Variants in GRIK5 observed in about 807,000 individuals in gnomAD.
GRIK5 encodes glutamate ionotropic receptor kainate type subunit 5, also known as glutamate receptor ionotropic, kainate 5.
Under a neutral mutation model 97.4 loss-of-function variants are expected in GRIK5, and 43 were observed. The ratio of observed to expected loss-of-function variants is 0.44; its 90% confidence interval spans 0.35 to 0.57. GRIK5 has a LOEUF of 0.57. GRIK5 is among the 20% of genes least tolerant of loss of function. GRIK5 has a pLI of 0.01. For synonymous variants in GRIK5, 580 were observed against 583.5 expected (o/e 0.99, Z 0.09); for missense variants, 1,015 against 1,382.0 (o/e 0.73, Z 4.21).
At chr19:42,039,524 C>G (rs749036440) in intron 12 of GRIK5, among the ~76,000 whole-genome samples, 1 of 152,122 alleles carries the variant, frequency 6.6e-6, no homozygotes, top group Non-Finnish European at 1.5e-5. Context: ...CATGGGCTTT[C>G]TGCTGAGGCC....
chr19:42,021,187 G>T lies in GRIK5; in HGVS notation c.1871+114C>A. 1 of 854,730 alleles carries T rather than the reference G, an allele frequency of 1.2e-6. No homozygotes were observed. Among genetic ancestry groups the T allele is most frequent in the Non-Finnish European group, 1.8e-6 (1 of 559,414 alleles). 52.9% of individuals were successfully genotyped at this position (854,730 alleles called of 1,614,324 possible). A position where few individuals can be genotyped will look rare whatever the true frequency, so the allele number is the denominator to read the frequency against. ...ACCCCATTCCTCGTCACACAGCTCT[G>T]CAAGGGAAAACGGGGAATCAAATCT... is the stretch of plus-strand genomic sequence containing the variant. On this transcript the variant is annotated intron_variant, in intron 15 of 19. Coordinates refer to ENST00000593562, the MANE Select transcript of GRIK5 (RefSeq NM_002088.5). This position sits in a 1 kb window ranked among gnomAD's most constrained non-coding sequence, Gnocchi z 4.2.
At chr19:42,043,784 T>C (rs976703103) in intron 11 of GRIK5, among the ~76,000 whole-genome samples, 2 of 152,140 alleles carry the variant, frequency 1.3e-5, no homozygotes, top group Non-Finnish European at 1.5e-5. Context: ...GCAACTCTCA[T>C]GCCTGAAATC....
chr19:42,065,206 C>G lies in GRIK5; in HGVS notation c.244+17G>C, dbSNP rs765523768. ...GACCTGCCCTGCCTCACCCCACGCC[C>G]CCATGGCCCCGCTCACTGGTGTCCG... On this transcript the variant is annotated intron_variant, in intron 3 of 19. Transcript: ENST00000593562. The surrounding 1 kb of genome is among the most constrained non-coding windows in gnomAD (Gnocchi z 5.8). 7 of 1,600,294 alleles carry G rather than the reference C, an allele frequency of 4.4e-6. No homozygotes were observed. Among genetic ancestry groups the G allele is most frequent in the Non-Finnish European group, 5.1e-6 (6 of 1,171,176 alleles).
chr19:42,057,747 T>C (rs1306330714), intron 6 of GRIK5, among the ~76,000 whole-genome samples: 1 of 152,158 alleles, frequency 6.6e-6, no homozygotes, highest in Non-Finnish European at 1.5e-5. Context: ...AGCCTAGGCA[T>C]AAGGTCAGAA....
intron 11 of GRIK5, among the ~76,000 whole-genome samples, chr19:42,050,538 G>T (rs2076101275): frequency 6.6e-6 from 1 of 151,646 alleles, no homozygotes; most frequent in South Asian, 2.1e-4. Context: ...GGCGCCTGTA[G>T]TCCCAGCTAC....
intron 15 of GRIK5, among the ~76,000 whole-genome samples, chr19:42,015,490 T>C (rs926237886): frequency 7.2e-5 from 11 of 152,194 alleles, no homozygotes; most frequent in African/African-American, 2.7e-4. Context: ...AAATCAATCA[T>C]AGAAAGATCT....
intron 15 of GRIK5, among the ~76,000 whole-genome samples, chr19:42,019,071 C>T (rs1302670674): frequency 2.0e-5 from 3 of 152,100 alleles, no homozygotes; most frequent in Non-Finnish European, 2.9e-5. Flanking sequence ...TGGGTGACAG[C>T]GATGGGAAGG....
chr19:42,054,731 AG>A (rs2076160718), intron 8 of GRIK5, among the ~76,000 whole-genome samples: 1 of 152,126 alleles, frequency 6.6e-6, no homozygotes, highest in Non-Finnish European at 1.5e-5. Flanking sequence ...TGTATCTCTC[AG>A]AGGGTGCCTG....
At chr19:42,036,195 G>A (rs573546249) in intron 12 of GRIK5, among the ~76,000 whole-genome samples, 24 of 152,112 alleles carry the variant, frequency 1.6e-4, no homozygotes, top group African/African-American at 5.5e-4. Context: ...GAGTAGCTGG[G>A]ATTACAGGTG....
chr19:42,006,047 G>A lies in GRIK5; in HGVS notation c.2038-99C>T. On this transcript the variant is annotated intron_variant, in intron 16 of 19. Coordinates refer to ENST00000593562, the MANE Select transcript of GRIK5 (RefSeq NM_002088.5). The surrounding 1 kb of genome is among the most constrained non-coding windows in gnomAD (Gnocchi z 5.3). ...CTCCAGGAAGTCTCCCTCAACCCAG[G>A]AGAATGCAAGGTGATCAAAGGAAGA... The A allele has an allele frequency of 2.9e-6, 2 of 689,396 alleles. No individual in the cohort carries two copies. Among genetic ancestry groups the A allele is most frequent in the Admixed American group, 4.2e-5 (2 of 48,070 alleles). 42.7% of individuals were successfully genotyped at this position (689,396 alleles called of 1,614,324 possible).
intron 11 of GRIK5, chr19:42,043,034 G>A (rs928796950): frequency 3.3e-5 from 17 of 510,936 alleles, no homozygotes; most frequent in East Asian, 1.3e-4. Context: ...GCTCAAATGC[G>A]TATGAGGGAG....
rs1599857114 is a variant in GRIK5 at position 42,065,489 on chromosome 19, C to A, written c.80-102G>T. ...CTCTAGGGTGAGGTGGGTATACGGACCAGGGGTCTAGACACCTGGATCTGA... is the reference window on the plus strand; with the variant it reads ...CTCTAGGGTGAGGTGGGTATACGGAACAGGGGTCTAGACACCTGGATCTGA... On this transcript the variant is annotated intron_variant, in intron 2 of 19. Transcript: ENST00000593562. This position sits in a 1 kb window ranked among gnomAD's most constrained non-coding sequence, Gnocchi z 5.8. 3.2e-6 allele frequency: 4 copies of A among 1,255,422 alleles called. No individual in the cohort carries two copies. The East Asian group carries it at 9.7e-5, about 30-fold the overall frequency. The allele number at this position is 1,255,422 out of a possible 1,614,324, so 77.8% of individuals were successfully genotyped here.
rs367606486 is a variant in GRIK5, at chr19:42,064,832, T to A, written c.244+391A>T. On this transcript the variant is annotated intron_variant, in intron 3 of 19. Transcript: ENST00000593562. ...TTGGAGCCACGCCACTCTTTCTACA[T>A]CCTGTTCACCTTTCAGAGCTCAGTT... 2.0e-5 allele frequency among the ~76,000 whole-genome samples: 3 copies of A among 152,184 alleles called. No individual in the cohort carries two copies. In the South Asian group the frequency reaches 6.2e-4, roughly 31 times the overall value.
intron 6 of GRIK5, among the ~76,000 whole-genome samples, chr19:42,058,399 T>C (rs918588631): frequency 6.7e-6 from 1 of 149,790 alleles, no homozygotes; most frequent in African/African-American, 2.5e-5. Context: ...CCCAGGATGG[T>C]CTCAATCTCC....
intron 15 of GRIK5, among the ~76,000 whole-genome samples, chr19:42,015,716 G>C (rs1211875996): frequency 6.6e-6 from 1 of 152,168 alleles, no homozygotes; most frequent in African/African-American, 2.4e-5. Context: ...GGGAGAATAG[G>C]CTCCCACCAG....
At chr19:42,014,098 A>C (rs1164661034) in intron 15 of GRIK5, among the ~76,000 whole-genome samples, 1 of 152,010 alleles carries the variant, frequency 6.6e-6, no homozygotes, top group African/African-American at 2.4e-5. Flanking sequence ...ATAAAATTTA[A>C]AAGAAAAATT....
At chr19:42,069,140 C>T (rs933668355) in intron 1 of GRIK5, 101 bp downstream of exon 1, 14 of 405,454 alleles carry the variant, frequency 3.5e-5, no homozygotes, top group African/African-American at 1.0e-4. Context: ...CTTGCCAGTC[C>T]GGAGAACGGG....
intron 15 of GRIK5, among the ~76,000 whole-genome samples, chr19:42,014,882 C>T (rs1335117969): frequency 6.6e-6 from 1 of 152,120 alleles, no homozygotes; most frequent in Non-Finnish European, 1.5e-5. Flanking sequence ...AAGTGAGACC[C>T]TATCTCTATT....
intron 15 of GRIK5, among the ~76,000 whole-genome samples, chr19:42,018,021 TACTG>T (rs1242917232): frequency 6.6e-6 from 1 of 151,616 alleles, no homozygotes; most frequent in South Asian, 2.1e-4. Flanking sequence ...ACCTTAGAAA[TACTG>T]ACTCCCGGCT....
Sources: gnomAD v4.1 joint callset for allele counts (sites outside exome capture counted in the v4.1 genomes callset) on GRCh38, gnomAD v4.1.1 for gene constraint, Gnocchi (gnomAD v3.1) non-coding constraint, MANE v1.5 for transcripts, NCBI Gene and HGNC (gene_info 2026-07-23, HGNC 2026-07-21) for gene names.